Variants in SKAP1 observed in about 807,000 individuals in gnomAD.
SKAP1 encodes src kinase-associated phosphoprotein 1.
A neutral mutation model predicts 58.5 loss-of-function variants in SKAP1; 44 were observed. The ratio of observed to expected loss-of-function variants is 0.75; its 90% CI spans 0.59 to 0.97. The LOEUF is 0.97. Among genes scored for constraint, SKAP1 ranks in the 50% least tolerant of loss-of-function variants. SKAP1 has a pLI of 0.00. For synonymous variants in SKAP1, 127 were observed against 149.7 expected, an observed-to-expected ratio of 0.85 and a Z score of 1.11; for missense variants, 390 against 435.2, an observed-to-expected ratio of 0.90 and a Z score of 0.92.
intron 4 of SKAP1, among the ~76,000 whole-genome samples, chr17:48,316,362 C>T (rs1309337211): frequency 6.6e-6 from 1 of 152,176 alleles, no homozygotes; most frequent in East Asian, 1.9e-4. Context: ...GCCTTTGCAT[C>T]TGCTATTCCC....
chr17:48,169,511 A>G (rs2064182323), intron 10 of SKAP1, among the ~76,000 whole-genome samples: 1 of 152,172 alleles, frequency 6.6e-6, no homozygotes, highest in Non-Finnish European at 1.5e-5. Context: ...ATCATGAGGT[A>G]CTTGCAGCTA....
At chr17:48,212,654 A>T (rs1237702193) in intron 4 of SKAP1, among the ~76,000 whole-genome samples, 1 of 152,248 alleles carries the variant, frequency 6.6e-6, no homozygotes, top group African/African-American at 2.4e-5. Context: ...GTGGTATAAA[A>T]TACAAATAAT....
intron 9 of SKAP1, among the ~76,000 whole-genome samples, chr17:48,176,035 TGG>T (rs2064285252): frequency 6.6e-6 from 1 of 152,206 alleles, no homozygotes; most frequent in Non-Finnish European, 1.5e-5. Flanking sequence ...CCCCTTCCTG[TGG>T]GTCTGAACAA....
intron 4 of SKAP1, among the ~76,000 whole-genome samples, chr17:48,282,896 A>C (rs917732792): frequency 6.6e-6 from 1 of 152,182 alleles, no homozygotes; most frequent in Non-Finnish European, 1.5e-5. Flanking sequence ...CAATAACTAC[A>C]AAATGCCATC....
chr17:48,420,043 G>C (rs2067776460), intron 1 of SKAP1, among the ~76,000 whole-genome samples: 1 of 152,142 alleles, frequency 6.6e-6, no homozygotes, highest in South Asian at 2.1e-4. Context: ...AAATCCATCT[G>C]TTATAATCAC....
chr17:48,239,138 G>C (rs1398585414), intron 4 of SKAP1, among the ~76,000 whole-genome samples: 1 of 152,114 alleles, frequency 6.6e-6, no homozygotes, highest in African/African-American at 2.4e-5. Context: ...AACACTTGGG[G>C]TGACCACAGC....
chr17:48,404,224 G>A (rs566717094), intron 1 of SKAP1, among the ~76,000 whole-genome samples: 25 of 152,102 alleles, frequency 1.6e-4, no homozygotes, highest in African/African-American at 4.8e-4. Flanking sequence ...TGGCCGAGGC[G>A]GGCGGATCAC....
At chr17:48,168,687 C>A (rs1224411300) in intron 10 of SKAP1, among the ~76,000 whole-genome samples, 1 of 151,966 alleles carries the variant, frequency 6.6e-6, no homozygotes, top group Non-Finnish European at 1.5e-5. Context: ...AAAAAACACA[C>A]ACCTGAGAAA....
chr17:48,437,254 C>T, the SKAP1 span, among the ~76,000 whole-genome samples: 136 of 152,290 alleles, frequency 8.9e-4, no homozygotes, highest in Non-Finnish European at 3.8e-4. Flanking sequence ...GCTCAGTGGA[C>T]AGGGCATGGG....
At chr17:48,253,622 CA>C (rs1567839604) in intron 4 of SKAP1, among the ~76,000 whole-genome samples, 1 of 152,122 alleles carries the variant, frequency 6.6e-6, no homozygotes, top group Non-Finnish European at 1.5e-5. Context: ...GTGCCGGACT[CA>C]TCTCTCCCCA....
chr17:48,155,056 A>G (rs1309267850), intron 11 of SKAP1, among the ~76,000 whole-genome samples: 1 of 137,562 alleles, frequency 7.3e-6, no homozygotes, highest in Non-Finnish European at 1.6e-5. Context: ...TGACAGAGCA[A>G]GACTCTGTCT....
intron 4 of SKAP1, among the ~76,000 whole-genome samples, chr17:48,332,747 C>T (rs530925889): frequency 2.0e-5 from 3 of 152,110 alleles, no homozygotes; most frequent in African/African-American, 7.2e-5. Context: ...AAAATAAAAC[C>T]CACACTACTT....
chr17:48,245,664 A>G (rs963439211), intron 4 of SKAP1, among the ~76,000 whole-genome samples: 3 of 152,118 alleles, frequency 2.0e-5, no homozygotes, highest in African/African-American at 4.8e-5. Context: ...CTGTGCTTCA[A>G]TGTCCTCATC....
chr17:48,428,051 C>T (rs1385124808), intron 1 of SKAP1, among the ~76,000 whole-genome samples: 5 of 152,186 alleles, frequency 3.3e-5, no homozygotes, highest in Non-Finnish European at 7.3e-5. Flanking sequence ...AGAAATAAAA[C>T]TTGTAACCAA....
chr17:48,375,287 A>G (rs2067137995), intron 2 of SKAP1, among the ~76,000 whole-genome samples: 1 of 151,794 alleles, frequency 6.6e-6, no homozygotes, highest in South Asian at 2.1e-4. Flanking sequence ...AATAAACAAC[A>G]TTATCTGAGA....
intron 4 of SKAP1, among the ~76,000 whole-genome samples, chr17:48,257,628 C>CTTTTTTTT (rs56225931): frequency 5.4e-3 from 602 of 110,920 alleles, no homozygotes; most frequent in Middle Eastern, 0.015. Flanking sequence ...TTCTTTCTTT[C>CTTTTTTTT]TTTTTTTTTT....
chr17:48,325,430 A>G (rs1173662281), intron 4 of SKAP1, among the ~76,000 whole-genome samples: 1 of 151,916 alleles, frequency 6.6e-6, no homozygotes, highest in African/African-American at 2.4e-5. Flanking sequence ...TACTGTTCGA[A>G]TATTATCTTT....
intron 1 of SKAP1, among the ~76,000 whole-genome samples, chr17:48,416,520 G>C (rs2067732857): frequency 6.6e-6 from 1 of 152,168 alleles, no homozygotes; most frequent in African/African-American, 2.4e-5. Context: ...ACTACTAACA[G>C]TAAGACAATC....
the SKAP1 span, among the ~76,000 whole-genome samples, chr17:48,444,248 G>T: frequency 1.3e-5 from 2 of 152,242 alleles, no homozygotes; most frequent in East Asian, 3.9e-4. Flanking sequence ...ACAAAATTTA[G>T]CTGGGCGTGG....
Sources: gnomAD v4.1 joint callset for allele counts (sites outside exome capture counted in the v4.1 genomes callset) on GRCh38, gnomAD v4.1.1 for gene constraint, MANE v1.5 for transcripts, NCBI Gene and HGNC (gene_info 2026-07-23, HGNC 2026-07-21) for gene names.